Variants in OSTN observed in about 807,000 individuals in gnomAD.
OSTN encodes osteocrin.
A neutral mutation model predicts 12.0 loss-of-function variants in OSTN; 9 were observed. The observed-to-expected ratio is 0.75, with a 90% confidence interval of 0.45 to 1.30. The LOEUF is 1.30. OSTN is among the 50% of genes most tolerant of loss of function. The pLI is 0.00. For synonymous variants in OSTN, 59 were observed against 56.9 expected, an observed-to-expected ratio of 1.04 and a Z score of -0.16; for missense variants, 148 against 152.3, an observed-to-expected ratio of 0.97 and a Z score of 0.15.
At chr3:191,254,964 G>C (rs1715637420) in intron 4 of OSTN, among the ~76,000 whole-genome samples, 1 of 152,168 alleles carries the variant, frequency 6.6e-6, no homozygotes, top group African/African-American at 2.4e-5. Flanking sequence ...AATAACTTGA[G>C]ATTCCTGGGC....
intron 3 of OSTN, among the ~76,000 whole-genome samples, chr3:191,235,032 C>T (rs1017292524): frequency 6.6e-6 from 1 of 152,080 alleles, no homozygotes; most frequent in African/African-American, 2.4e-5. Flanking sequence ...ACACTTTGCT[C>T]CAGAATATTG....
chr3:191,238,688 A>T (rs1273945570), intron 3 of OSTN, among the ~76,000 whole-genome samples: 3 of 152,030 alleles, frequency 2.0e-5, no homozygotes, highest in Non-Finnish European at 4.4e-5. Flanking sequence ...CCGCCCTTTT[A>T]AATGCTGCCT....
chr3:191,200,847 T>C (rs1399565688), intron 1 of OSTN, among the ~76,000 whole-genome samples: 1 of 152,186 alleles, frequency 6.6e-6, no homozygotes, highest in East Asian at 1.9e-4. Flanking sequence ...AACTTTTGCT[T>C]AGATTCAATA....
At chr3:191,237,576 C>T (rs1256945547) in intron 3 of OSTN, among the ~76,000 whole-genome samples, 1 of 152,174 alleles carries the variant, frequency 6.6e-6, no homozygotes, top group East Asian at 1.9e-4. Flanking sequence ...GGCCTGCTTC[C>T]AGCACCTGGC....
intron 3 of OSTN, among the ~76,000 whole-genome samples, chr3:191,241,616 C>G (rs979289194): frequency 3.9e-5 from 6 of 151,990 alleles, no homozygotes; most frequent in Admixed American, 6.6e-5. Context: ...GAACTCGAAA[C>G]TATAAACAGG....
intron 3 of OSTN, among the ~76,000 whole-genome samples, chr3:191,244,487 C>T (rs953068035): frequency 6.6e-6 from 1 of 151,038 alleles, no homozygotes; most frequent in Non-Finnish European, 1.5e-5. Context: ...ACAGCTTTCT[C>T]TTTTGGTTTC....
intron 3 of OSTN, among the ~76,000 whole-genome samples, chr3:191,237,367 C>A (rs1388219485): frequency 6.6e-6 from 1 of 152,202 alleles, no homozygotes; most frequent in Non-Finnish European, 1.5e-5. Flanking sequence ...TATCTCAATT[C>A]TTGCCTCCTT....
chr3:191,227,763 C>T (rs976827159), intron 3 of OSTN, among the ~76,000 whole-genome samples: 1 of 151,998 alleles, frequency 6.6e-6, no homozygotes, highest in African/African-American at 2.4e-5. Context: ...TTGCTAATTT[C>T]GCTTGGATTA....
chr3:191,210,778 G>T (rs1227895441), intron 1 of OSTN, among the ~76,000 whole-genome samples: 2 of 152,150 alleles, frequency 1.3e-5, no homozygotes, highest in Non-Finnish European at 2.9e-5. Flanking sequence ...AAGTTGGAAG[G>T]CTTTCCCATT....
chr3:191,258,947 G>C (rs1341519911), intron 4 of OSTN, among the ~76,000 whole-genome samples: 1 of 152,140 alleles, frequency 6.6e-6, no homozygotes, highest in African/African-American at 2.4e-5. Flanking sequence ...CTGGTCAAAA[G>C]CCAAAGTGAT....
At chr3:191,256,627 CTT>C (rs200599634) in intron 4 of OSTN, among the ~76,000 whole-genome samples, 17 of 141,796 alleles carry the variant, frequency 1.2e-4, no homozygotes, top group African/African-American at 1.8e-4. Flanking sequence ...CTCTCTCCTC[CTT>C]TTTTTTTTTT....
chr3:191,236,920 A>G (rs1353701191), intron 3 of OSTN, among the ~76,000 whole-genome samples: 1 of 152,162 alleles, frequency 6.6e-6, no homozygotes, highest in African/African-American at 2.4e-5. Flanking sequence ...TCCACATTTT[A>G]TTATGTTTTC....
chr3:191,259,852 CT>C (rs372562335), intron 4 of OSTN, among the ~76,000 whole-genome samples: 431 of 132,502 alleles, frequency 3.3e-3, no homozygotes, highest in Admixed American at 0.011. Context: ...ATGTATCCTT[CT>C]TTTTTTTTTT....
At chr3:191,216,093 A>G (rs946354072) in intron 2 of OSTN, among the ~76,000 whole-genome samples, 6 of 151,998 alleles carry the variant, frequency 3.9e-5, no homozygotes, top group African/African-American at 1.5e-4. Context: ...GGTCCCCCAA[A>G]CTCAATTATT....
chr3:191,213,078 C>T (rs1714506679), intron 2 of OSTN, among the ~76,000 whole-genome samples: 1 of 151,758 alleles, frequency 6.6e-6, no homozygotes. Flanking sequence ...ACCATATTGG[C>T]CAGGCTGGTC....
At chr3:191,244,026 AATTTCTAAAGTAGTGGT>A (rs1490190187) in intron 3 of OSTN, among the ~76,000 whole-genome samples, 2 of 152,088 alleles carry the variant, frequency 1.3e-5, no homozygotes, top group Non-Finnish European at 2.9e-5. Context: ...GGAATACCAG[AATTTCTAAAGTAGTGGT>A]AATGCTCTAT....
intron 2 of OSTN, among the ~76,000 whole-genome samples, chr3:191,214,283 A>G (rs899155370): frequency 1.3e-5 from 2 of 151,932 alleles, no homozygotes; most frequent in African/African-American, 4.8e-5. Flanking sequence ...CCCTCTCTCT[A>G]CTAAAAATCC....
intron 3 of OSTN, among the ~76,000 whole-genome samples, chr3:191,242,638 C>T (rs993931399): frequency 2.0e-5 from 3 of 152,094 alleles, no homozygotes; most frequent in Non-Finnish European, 2.9e-5. Context: ...AAGGGATACT[C>T]CCTCCTCAAT....
chr3:191,226,471 G>A (rs1416315776), intron 3 of OSTN, among the ~76,000 whole-genome samples: 1 of 152,128 alleles, frequency 6.6e-6, no homozygotes, highest in East Asian at 1.9e-4. Context: ...CACATACTGT[G>A]TTCTTAAGTC....
Sources: allele counts gnomAD v4.1 joint callset (sites outside exome capture counted in the v4.1 genomes callset), GRCh38; gene constraint gnomAD v4.1.1; transcripts MANE v1.5; gene names NCBI Gene and HGNC (gene_info 2026-07-23, HGNC 2026-07-21).